AXL: variants seen among roughly 807,000 people sequenced by gnomAD.
AXL encodes the protein tyrosine-protein kinase receptor UFO.
Under a neutral mutation model 104.5 loss-of-function variants are expected in AXL, and 52 were observed. The observed-to-expected ratio is 0.50, with a 90% CI of 0.40 to 0.63. The LOEUF (loss-of-function observed/expected upper bound fraction) is 0.63. AXL is among the 20% of genes least tolerant of loss of function. The pLI, the probability that AXL is intolerant of heterozygous loss-of-function variation, is 0.00. For missense variants in AXL, 1,024 were observed against 1,188.5 expected, an observed-to-expected ratio of 0.86 and a Z score of 2.04; for synonymous variants, 455 against 473.7, an observed-to-expected ratio of 0.96 and a Z score of 0.51.
At chr19:41,230,828 A>C (rs189269852) in intron 4 of AXL, 139 bp from the exon 5 acceptor site, 1 of 839,896 alleles carries the variant, frequency 1.2e-6, no homozygotes. Flanking sequence ...CAACTCTGCT[A>C]ACCCTCCCTT....
chr19:41,241,600 G>GA (rs1213119539), intron 10 of AXL, among the ~76,000 whole-genome samples: 1 of 145,092 alleles, frequency 6.9e-6, no homozygotes. Flanking sequence ...AAAAAGAAAA[G>GA]AAAAAAAAAT....
At chr19:41,230,570 G>A (rs1473095904) in intron 4 of AXL, among the ~76,000 whole-genome samples, 1 of 151,318 alleles carries the variant, frequency 6.6e-6, no homozygotes, top group African/African-American at 2.4e-5. Context: ...GTGTGTGCCT[G>A]TGCCTGTGTG....
Position 41,222,192 on chromosome 19 carries a change from CCTCT to C in AXL, c.586+137_586+140del. 6 of 1,002,856 alleles carry C rather than the reference CCTCT, an allele frequency of 6.0e-6. No individual in the cohort carries two copies. In the South Asian group the frequency reaches 9.0e-5, roughly 15 times the overall value. 62.1% of individuals were successfully genotyped at this position (1,002,856 alleles called of 1,614,324 possible). The stretch of plus-strand genomic sequence containing the variant: ...TCACTGTCTGTCTCTCTCGTTTCTC[CCTCT>C]GAGTCTGTCTCTGCCTCTCTGTCTC... On this transcript the variant is annotated intron_variant, in intron 4 of 19. Transcript: ENST00000301178.
intron 4 of AXL, among the ~76,000 whole-genome samples, chr19:41,229,625 A>G (rs1658035846): frequency 6.6e-6 from 1 of 152,196 alleles, no homozygotes; most frequent in Non-Finnish European, 1.5e-5. Context: ...TTGAGGAACA[A>G]AAATGAAAGA....
intron 18 of AXL, among the ~76,000 whole-genome samples, chr19:41,257,000 T>C (rs1232974411): frequency 1.3e-5 from 2 of 152,216 alleles, no homozygotes; most frequent in African/African-American, 4.8e-5. Context: ...TCCACAAAAG[T>C]TACTTATTCA....
intron 4 of AXL, among the ~76,000 whole-genome samples, chr19:41,222,998 TAGAC>T (rs932476736): frequency 6.1e-5 from 8 of 132,092 alleles, no homozygotes; most frequent in African/African-American, 2.3e-4. Context: ...AAGATGAACA[TAGAC>T]AGGACAGAGA....
intron 4 of AXL, 126 bp from the exon 5 acceptor site, chr19:41,230,841 G>A: frequency 2.1e-6 from 2 of 936,768 alleles, no homozygotes; most frequent in Non-Finnish European, 3.4e-6. Flanking sequence ...CCTCCCTTCA[G>A]GCAAGTGCCT....
chr19:41,233,294 G>A (rs1035639310), intron 6 of AXL, among the ~76,000 whole-genome samples: 2 of 151,828 alleles, frequency 1.3e-5, no homozygotes, highest in African/African-American at 2.4e-5. Flanking sequence ...TGGGCCCTGA[G>A]AAAATGTTTA....
intron 11 of AXL, among the ~76,000 whole-genome samples, chr19:41,243,293 G>A (rs142850840): frequency 8.7e-4 from 132 of 152,288 alleles, no homozygotes; most frequent in Non-Finnish European, 1.7e-3. Flanking sequence ...GTAGGCACAC[G>A]CCTGTGGTCC....
intron 12 of AXL, among the ~76,000 whole-genome samples, chr19:41,247,240 G>T (rs562165615): frequency 6.6e-6 from 1 of 152,168 alleles, no homozygotes; most frequent in African/African-American, 2.4e-5. Flanking sequence ...TTGGCCAGGC[G>T]TGGTGGCTCA....
Position 41,239,255 on chromosome 19 carries a change from A to G in AXL, c.1226A>G (p.Tyr409Cys), listed in dbSNP as rs749512016. The G allele has an allele frequency of 1.2e-6, 2 of 1,610,858 alleles. No homozygotes were observed. The highest frequency in any genetic ancestry group is 1.7e-6 in the Non-Finnish European group (2 of 1,178,334). ...AATCTGACAGTGTGTGTGGCAGCCT[A>G]CACTGCTGCTGGGGATGGACCCTGG... ...VSNLTVCVAA[Y>C]TAAGDGPWSL... Residue 409 changes from tyrosine to cysteine, a missense_variant, in exon 9 of 20, where the codon TAC becomes TGC. Around this residue, in one of 5 missense-constraint regions of AXL, gnomAD observed 4 missense variants for 16.9 expected, o/e 0.24. Coordinates refer to ENST00000301178, the MANE Select transcript of AXL (RefSeq NM_021913.5).
At chr19:41,251,621 G>A (rs2034363124) in intron 14 of AXL, among the ~76,000 whole-genome samples, 1 of 151,580 alleles carries the variant, frequency 6.6e-6, no homozygotes, top group African/African-American at 2.4e-5. Flanking sequence ...CAGCTACTCA[G>A]GAAGGCAAGC....
chr19:41,239,870 G>A (rs2034150454), intron 10 of AXL, 150 bp downstream of exon 10: 3 of 1,183,068 alleles, frequency 2.5e-6, no homozygotes, highest in Admixed American at 3.4e-5. Context: ...CCTTGATGGA[G>A]GTGCCTATAA....
Position 41,241,247 on chromosome 19 carries a change from T to C in AXL, c.1312+1527T>C, listed in dbSNP as rs778161772. On this transcript the variant is annotated intron_variant, in intron 10 of 19. Coordinates refer to ENST00000301178, the MANE Select transcript of AXL (RefSeq NM_021913.5). ...TATTTCACCCTCATTCCTGGCTTTA[T>C]GGAAACCATTGTGGCCGGGTGCAAT... Among the ~76,000 whole-genome samples, 4 of 152,276 alleles carry C rather than the reference T, an allele frequency of 2.6e-5. 1 individual carries two copies. In the Middle Eastern group the frequency reaches 0.01, roughly 388 times the overall value.
chr19:41,243,841 A>T, intron 12 of AXL, 134 bp downstream of exon 12: 1 of 673,838 alleles, frequency 1.5e-6, no homozygotes, highest in South Asian at 1.8e-5. Context: ...AGAACCACAG[A>T]CCCTAGAAAT....
At position 41,221,879 on chromosome 19, in the gene AXL, G is replaced by T; in HGVS notation, c.410-1G>T. 1 of 1,613,522 alleles carries T rather than the reference G, an allele frequency of 6.2e-7. No homozygotes were observed. The highest frequency in any genetic ancestry group is 8.5e-7 in the Non-Finnish European group (1 of 1,179,812). On this transcript the variant is annotated splice_acceptor_variant, in intron 3 of 19. Coordinates refer to ENST00000301178, the MANE Select transcript of AXL (RefSeq NM_021913.5). LOFTEE classifies it high-confidence loss of function. Reference sequence around the variant, plus strand: ...GCCTCTACCACTGCCCACCCCGCTAGGCTTGCCTTACTTCCTGGAGGAGCC... The same window carrying T: ...GCCTCTACCACTGCCCACCCCGCTATGCTTGCCTTACTTCCTGGAGGAGCC...
At chr19:41,235,937 C>A (rs1166034555) in intron 6 of AXL, among the ~76,000 whole-genome samples, 2 of 152,128 alleles carry the variant, frequency 1.3e-5, no homozygotes, top group Non-Finnish European at 2.9e-5. Flanking sequence ...TGGCTCACGC[C>A]TGTAATCCCA....
intron 14 of AXL, among the ~76,000 whole-genome samples, chr19:41,251,054 C>T (rs2034354262): frequency 6.6e-6 from 1 of 152,188 alleles, no homozygotes; most frequent in African/African-American, 2.4e-5. Context: ...GCCAGACTGC[C>T]CGGGTTTGAG....
In AXL at chr19:41,231,274, C is replaced by T; in HGVS notation, c.759C>T (p.Tyr253=). 3 of 1,613,676 alleles carry T rather than the reference C, an allele frequency of 1.9e-6. No individual in the cohort carries two copies. The highest frequency in any genetic ancestry group is 2.2e-5 in the South Asian group (2 of 91,072). Reference sequence around the variant, plus strand: ...GGACTCCAGGCCTGAGCGGCATCTACCCCCTGACCCACTGCACCCTGCAGG... The same window carrying T: ...GGACTCCAGGCCTGAGCGGCATCTATCCCCTGACCCACTGCACCCTGCAGG... ...VAWTPGLSGI[Y]PLTHCTLQAV... Residue 253 remains tyrosine, a synonymous_variant, in exon 6 of 20, where the codon TAC becomes TAT. Coordinates refer to ENST00000301178, the MANE Select transcript of AXL (RefSeq NM_021913.5).
Sources: gnomAD v4.1 joint callset for allele counts (sites outside exome capture counted in the v4.1 genomes callset) on GRCh38, gnomAD v4.1.1 for gene constraint, gnomAD v4.1.1 regional missense constraint, MANE v1.5 for transcripts, NCBI Gene and HGNC (gene_info 2026-07-23, HGNC 2026-07-21) for gene names.